INTS11: variants seen among roughly 807,000 people sequenced by gnomAD.
INTS11 encodes the protein integrator complex subunit 11.
In INTS11, 77 loss-of-function variants were observed where a neutral mutation model predicts 78.6. The ratio of observed to expected loss-of-function variants is 0.98; its 90% confidence interval spans 0.81 to 1.18. The LOEUF (loss-of-function observed/expected upper bound fraction) is 1.18, where lower values mean the gene tolerates loss of function less well. Among genes scored for constraint, INTS11 ranks in the 50% most tolerant of loss-of-function variants. The pLI, the probability that INTS11 is intolerant of heterozygous loss-of-function variation, is 0.00. For synonymous variants in INTS11, 441 were observed against 326.9 expected (o/e 1.35, Z -3.77); for missense variants, 875 against 825.9 (o/e 1.06, Z -0.73).
rs779686729 is a variant in INTS11, at chr1:1,312,264, C to T, written c.1569G>A (p.Glu523=). 51 of 1,548,854 alleles carry T rather than the reference C, an allele frequency of 3.3e-5. No individual in the cohort carries two copies. Among genetic ancestry groups the T allele is most frequent in the African/African-American group, 4.1e-5 (3 of 73,234 alleles). The part of the protein sequence containing the change: ...CRVHLHDTRK[E]QETALRVYSH... Reference sequence around the variant, plus strand: ...TGTAGACGCGCAATGCCGTCTCCTGCTCCTTGCGTGTGTCATGCAGGTGCA... The same window carrying T: ...TGTAGACGCGCAATGCCGTCTCCTGTTCCTTGCGTGTGTCATGCAGGTGCA... The change falls in exon 15 of 17, where the codon GAG becomes GAA. Residue 523 remains glutamate, a synonymous_variant. Coordinates refer to ENST00000435064, the MANE Select transcript of INTS11 (RefSeq NM_017871.6).
Position 1,324,619 on chromosome 1 carries a change from G to A in INTS11, c.-11C>T, listed in dbSNP as rs368524254. Reference sequence around the variant, plus strand: ...TCTGATCTCAGGCATCGTCTCCGCCGCGCTCCCGGACCCGCGAGGCCCGCC... The same window carrying A: ...TCTGATCTCAGGCATCGTCTCCGCCACGCTCCCGGACCCGCGAGGCCCGCC... On this transcript the variant is annotated 5_prime_UTR_variant, in exon 1 of 17. Coordinates refer to ENST00000435064, the MANE Select transcript of INTS11 (RefSeq NM_017871.6). 3.2e-5 allele frequency: 51 copies of A among 1,598,972 alleles called. No homozygotes were observed. Among genetic ancestry groups the A allele is most frequent in the Middle Eastern group, 3.3e-4 (2 of 6,036 alleles).
intron 9 of INTS11, 46 bp from the exon 10 acceptor site, chr1:1,313,638 C>T (rs1409836133): frequency 6.2e-7 from 1 of 1,611,342 alleles, no homozygotes; most frequent in Non-Finnish European, 8.5e-7. Context: ...CAGCAGATGC[C>T]CCCACCCCCA....
intron 6 of INTS11, 57 bp from the exon 7 acceptor site, chr1:1,315,019 C>A (rs546388361): frequency 1.3e-6 from 2 of 1,588,230 alleles, no homozygotes; most frequent in East Asian, 4.5e-5. Flanking sequence ...GGTTGCAGGG[C>A]TGGGTGTGAC....
chr1:1,315,050 G>T, intron 6 of INTS11, 88 bp from the exon 7 acceptor site: 1 of 1,492,020 alleles, frequency 6.7e-7, no homozygotes, highest in Non-Finnish European at 9.2e-7. Context: ...CCAGTACCAC[G>T]CCCAGCCGCC....
At chr1:1,317,176 G>A (rs1423028443) in intron 4 of INTS11, 1 of 152,064 alleles carries the variant, frequency 6.6e-6, no homozygotes, top group Non-Finnish European at 1.5e-5. Context: ...GATCACCTGA[G>A]ATCAGGAGTT....
chr1:1,320,704 G>A (rs1642894309), intron 2 of INTS11, 175 bp from the exon 3 acceptor site: 4 of 752,922 alleles, frequency 5.3e-6, no homozygotes, highest in African/African-American at 3.4e-5. Context: ...ATCCGGAGGG[G>A]CCGAGGTTAC....
chr1:1,314,431 G>T lies in INTS11; in HGVS notation c.703-66C>A. The T allele has an allele frequency of 1.4e-6, 2 of 1,448,666 alleles. No homozygotes were observed. Among genetic ancestry groups the T allele is most frequent in the Non-Finnish European group, 1.9e-6 (2 of 1,059,420 alleles). The allele number at this position is 1,448,666 out of a possible 1,614,324, so 89.7% of individuals were successfully genotyped here. A position where few individuals can be genotyped will look rare whatever the true frequency, so the allele number is the denominator to read the frequency against. ...CTCGACACAGCAGGCAGCGTCCAGT[G>T]AGGGCACGGCCAGGTGCCCAAGAGC... On this transcript the variant is annotated intron_variant, in intron 7 of 16. Transcript: ENST00000435064. The surrounding 1 kb of genome is among the most constrained non-coding windows in gnomAD (Gnocchi z 4.2).
At chr1:1,313,328 A>G (rs957465811) in intron 10 of INTS11, 181 bp downstream of exon 10, 11 of 881,976 alleles carry the variant, frequency 1.2e-5, no homozygotes, top group Non-Finnish European at 1.8e-5. Flanking sequence ...CCCGAGGTGG[A>G]CAAGCTGTGT....
chr1:1,321,933 TCCAAA>T, intron 1 of INTS11: 1 of 1,333,714 alleles, frequency 7.5e-7, no homozygotes, highest in Non-Finnish European at 9.7e-7. Context: ...ACTCGAAGTG[TCCAAA>T]GCCAGCACCA....
At chr1:1,323,188 G>C in intron 1 of INTS11, 1 of 1,550,242 alleles carries the variant, frequency 6.5e-7, no homozygotes, top group Non-Finnish European at 8.7e-7. Context: ...CACGCCATGG[G>C]GGAGGACATG....
chr1:1,317,452 A>G, intron 4 of INTS11: 3 of 979,028 alleles, frequency 3.1e-6, no homozygotes, highest in African/African-American at 1.7e-5. Flanking sequence ...CATATGACAC[A>G]TAACCAGAAG....
chr1:1,317,495 T>A, intron 4 of INTS11: 1 of 965,162 alleles, frequency 1.0e-6, no homozygotes, highest in Non-Finnish European at 1.2e-6. Flanking sequence ...CCAGAGGGAA[T>A]ATCCATCAGG....
Position 1,314,359 on chromosome 1 carries a change from T to C in INTS11, c.709A>G (p.Ile237Val). Residue 237 changes from isoleucine (I) to valine (V), a missense_variant, in exon 8 of 17, where the codon ATA becomes GTA. Physicochemically the swap from Ile to Val is conservative, Grantham distance 29. Coordinates refer to ENST00000435064, the MANE Select transcript of INTS11 (RefSeq NM_017871.6). The surrounding 1 kb of genome is among the most constrained non-coding windows in gnomAD (Gnocchi z 4.2). ...GCGCGGCCCAGCGCGAACACAGGTA[T>C]CAGCACCTGAGGGGGACACAAGGCA... is the stretch of plus-strand genomic sequence containing the variant. ...ETVERGGKVL[I>V]PVFALGRAQE... The C allele has an allele frequency of 1.2e-6, 2 of 1,606,916 alleles. No homozygotes were observed. Among genetic ancestry groups the C allele is most frequent in the Non-Finnish European group, 8.5e-7 (1 of 1,177,384 alleles).
chr1:1,312,067 G>A lies in INTS11; in HGVS notation c.1688C>T (p.Pro563Leu), dbSNP rs1239171085. ...CACCTTGGTGCCTGGGTCCTCAGAA[G>A]GGGCGGCGGCCTGGAGGAGGACGGA... is the stretch of plus-strand genomic sequence containing the variant. ...VESVLLQAAA[P>L]SEDPGTKVLL... The change falls in exon 16 of 17, where the codon CCT becomes CTT. Residue 563 changes from proline (P) to leucine (L), a missense_variant. By Grantham distance (98) the Pro-to-Leu change is moderately conservative. Coordinates refer to ENST00000435064, the MANE Select transcript of INTS11 (RefSeq NM_017871.6). 1.3e-6 allele frequency: 2 copies of A among 1,572,820 alleles called. No homozygotes were observed. The highest frequency in any genetic ancestry group is 1.2e-5 in the South Asian group (1 of 86,484).
intron 4 of INTS11, chr1:1,316,754 G>GT (rs1642632142): frequency 6.6e-6 from 1 of 150,888 alleles, no homozygotes; most frequent in African/African-American, 2.4e-5. Flanking sequence ...GAAAAAGCCC[G>GT]TCTCTACTAA....
chr1:1,317,888 T>C (rs1642711886), intron 4 of INTS11: 1 of 152,074 alleles, frequency 6.6e-6, no homozygotes, highest in East Asian at 1.9e-4. Context: ...AGCCGGAGTC[T>C]CGCGTCTCGC....
At chr1:1,324,378 C>G (rs913157804) in intron 1 of INTS11, among the ~76,000 whole-genome samples, 40 of 152,146 alleles carry the variant, frequency 2.6e-4, no homozygotes, top group African/African-American at 9.7e-4. Context: ...TCGGGGCTCG[C>G]GTTCTCGCGT....
rs995209187 is a variant in INTS11, at chr1:1,314,047, G to A, written c.768-126C>T. 8.2e-6 allele frequency: 8 copies of A among 975,788 alleles called. No individual in the cohort carries two copies. The highest frequency in any genetic ancestry group is 2.5e-5 in the East Asian group (1 of 39,876). The allele number at this position is 975,788 out of a possible 1,614,324, so 60.4% of individuals were successfully genotyped here. A position where few individuals can be genotyped will look rare whatever the true frequency, so the allele number is the denominator to read the frequency against. On this transcript the variant is annotated intron_variant, in intron 8 of 16. Coordinates refer to ENST00000435064, the MANE Select transcript of INTS11 (RefSeq NM_017871.6). The surrounding 1 kb of genome is among the most constrained non-coding windows in gnomAD (Gnocchi z 4.2). ...CGCACGGGCCAGGTTGAGTCCAGTC[G>A]CGACCACTTGTCCCATTAAGCCCTG...
Position 1,312,298 on chromosome 1 carries a change from G to C in INTS11, c.1535C>G (p.Thr512Ser). The C allele has an allele frequency of 1.3e-6, 2 of 1,551,016 alleles. No homozygotes were observed. The highest frequency in any genetic ancestry group is 1.7e-6 in the Non-Finnish European group (2 of 1,147,290). Residue 512 changes from threonine (T) to serine (S), a missense_variant, in exon 15 of 17, where the codon ACC (threonine) becomes AGC (serine). Physicochemically the swap from Thr to Ser is moderately conservative, Grantham distance 58. Coordinates refer to ENST00000435064, the MANE Select transcript of INTS11 (RefSeq NM_017871.6). ...TGTGTCATGCAGGTGCACGCGGCAG[G>C]TGAAGCGCAGCTGGTGCTCAGCCAG... The part of the protein sequence containing the change: ...LGLAEHQLRF[T>S]CRVHLHDTRK...
Sources: gnomAD v4.1 joint callset for allele counts (sites outside exome capture counted in the v4.1 genomes callset) on GRCh38, gnomAD v4.1.1 for gene constraint, Gnocchi (gnomAD v3.1) non-coding constraint, MANE v1.5 for transcripts, NCBI Gene and HGNC (gene_info 2026-07-23, HGNC 2026-07-21) for gene names.